STON2: variants seen among roughly 807,000 people sequenced by gnomAD.
STON2 encodes stonin-2.
STON2 carries 29 observed loss-of-function variants against 65.7 expected under a neutral mutation model. The ratio of observed to expected loss-of-function variants is 0.44; its 90% confidence interval spans 0.33 to 0.60. STON2 has a LOEUF of 0.60. Ranked by LOEUF, STON2 falls within the 20% of genes least tolerant of loss-of-function variation. The pLI is 0.03. For synonymous variants in STON2, 404 were observed against 414.2 expected (o/e 0.98, Z 0.30); for missense variants, 1,054 against 1,118.1 (o/e 0.94, Z 0.82).
At chr14:81,300,323 A>G (rs1317330114) in intron 5 of STON2, among the ~76,000 whole-genome samples, 2 of 152,114 alleles carry the variant, frequency 1.3e-5, no homozygotes, top group African/African-American at 4.8e-5. Context: ...AGAAAGCCAA[A>G]ACTATAAAGC....
chr14:81,339,646 G>C (rs1416291652), intron 4 of STON2, among the ~76,000 whole-genome samples: 1 of 152,188 alleles, frequency 6.6e-6, no homozygotes, highest in African/African-American at 2.4e-5. Flanking sequence ...TGTCATGTAT[G>C]AGCCAAAGAA....
chr14:81,278,407 A>T lies in STON2; in HGVS notation c.1075T>A (p.Ser359Thr), dbSNP rs1229351582. ...CTCCAAGGTGAAGCCTCAGTTACAG[A>T]AGGCGTGCGGTTTAAAGAGGAAATA... Reference protein sequence around the residue: ...LDISSLNRTPSVTEASPWRAT... With the variant: ...LDISSLNRTPTVTEASPWRAT... The change falls in exon 6 of 8, where the codon TCT becomes ACT. Residue 359 changes from serine (S) to threonine (T), a missense_variant. Coordinates refer to ENST00000614646, the MANE Select transcript of STON2 (RefSeq NM_001394390.1). 2.5e-6 allele frequency: 4 copies of T among 1,614,206 alleles called. No homozygotes were observed. Among genetic ancestry groups the T allele is most frequent in the Non-Finnish European group, 3.4e-6 (4 of 1,180,036 alleles).
At chr14:81,297,549 C>T (rs557265034) in intron 5 of STON2, among the ~76,000 whole-genome samples, 1 of 152,258 alleles carries the variant, frequency 6.6e-6, no homozygotes, top group Middle Eastern at 3.4e-3. Flanking sequence ...CTATGCCCCA[C>T]AATATGGTTG....
At chr14:81,388,230 G>A (rs1227599309) in intron 3 of STON2, among the ~76,000 whole-genome samples, 1 of 152,020 alleles carries the variant, frequency 6.6e-6, no homozygotes, top group East Asian at 2.0e-4. Context: ...TTACAGGCGT[G>A]AGCCACCGCA....
chr14:81,417,039 T>A (rs1246783735), intron 2 of STON2, among the ~76,000 whole-genome samples: 2 of 152,114 alleles, frequency 1.3e-5, no homozygotes, highest in African/African-American at 4.8e-5. Context: ...GAAAAACTAT[T>A]TCCCCCTTCC....
At chr14:81,370,447 G>A (rs1050018564) in intron 4 of STON2, among the ~76,000 whole-genome samples, 1 of 152,174 alleles carries the variant, frequency 6.6e-6, no homozygotes, top group South Asian at 2.1e-4. Context: ...TTTAATAAAG[G>A]AGGCATAGTG....
chr14:81,370,265 C>G (rs1898923715), intron 4 of STON2, among the ~76,000 whole-genome samples: 1 of 152,182 alleles, frequency 6.6e-6, no homozygotes, highest in Non-Finnish European at 1.5e-5. Context: ...TCATCACTTT[C>G]AGAAGAAACC....
chr14:81,349,243 C>T (rs8011477), intron 4 of STON2, among the ~76,000 whole-genome samples: 44,837 of 151,890 alleles, frequency 0.3, 7,020 homozygotes, highest in South Asian at 0.42. Context: ...ACAAATGGGA[C>T]TATGTCAAAC....
chr14:81,316,411 G>A (rs2140229159), intron 5 of STON2, among the ~76,000 whole-genome samples: 1 of 152,280 alleles, frequency 6.6e-6, no homozygotes, highest in Non-Finnish European at 1.5e-5. Flanking sequence ...ACACCTTCCT[G>A]CTAGATTTCC....
chr14:81,371,874 C>A (rs765801397), intron 3 of STON2, among the ~76,000 whole-genome samples: 2 of 151,794 alleles, frequency 1.3e-5, no homozygotes, highest in Non-Finnish European at 2.9e-5. Flanking sequence ...TTTAGTGGCA[C>A]AAAAAAACTC....
intron 2 of STON2, among the ~76,000 whole-genome samples, chr14:81,406,168 T>G (rs927169359): frequency 6.6e-6 from 1 of 152,200 alleles, no homozygotes; most frequent in Non-Finnish European, 1.5e-5. Context: ...GGGGCTCGGA[T>G]TGGATTCCTT....
intron 2 of STON2, among the ~76,000 whole-genome samples, chr14:81,420,981 T>C (rs941088943): frequency 6.6e-6 from 1 of 152,054 alleles, no homozygotes; most frequent in African/African-American, 2.4e-5. Context: ...CAGGGTGGGA[T>C]CTGGACATGA....
chr14:81,362,018 G>C (rs963539844), intron 4 of STON2, among the ~76,000 whole-genome samples: 2 of 152,086 alleles, frequency 1.3e-5, no homozygotes, highest in African/African-American at 4.8e-5. Context: ...GTGGAGAAAA[G>C]GGAACCCTTG....
intron 3 of STON2, among the ~76,000 whole-genome samples, chr14:81,384,490 CCTACCAAAGTGGTGGGA>C (rs1318895966): frequency 1.4e-5 from 2 of 143,146 alleles, no homozygotes; most frequent in African/African-American, 4.9e-5. Context: ...CCCGCCTCAG[CCTACCAAAGTGGTGGGA>C]TTACAGGCGT....
Position 81,266,321 on chromosome 14 carries a change from C to T in STON2, c.*2093G>A, listed in dbSNP as rs1894356868. Among the ~76,000 whole-genome samples the T allele has an allele frequency of 6.6e-6, 1 of 152,178 alleles. No individual in the cohort carries two copies. The highest frequency in any genetic ancestry group is 2.1e-4 in the South Asian group (1 of 4,834). ...CAATTCTTCCTTATATTGAAGCAAA[C>T]ATTTGTCACCTGTAAAGTTCCTCTT... On this transcript the variant is annotated 3_prime_UTR_variant, in exon 8 of 8. Transcript: ENST00000614646.
Position 81,276,894 on chromosome 14 carries a change from C to A in STON2, c.2581+7G>T. The A allele has an allele frequency of 6.2e-7, 1 of 1,604,634 alleles. No individual in the cohort carries two copies. The highest frequency in any genetic ancestry group is 1.7e-5 in the Admixed American group (1 of 59,584). On this transcript the variant is annotated splice_region_variant and intron_variant, in intron 6 of 7. Coordinates refer to ENST00000614646, the MANE Select transcript of STON2 (RefSeq NM_001394390.1). ...TTTGTTTTCACAGAAGAGGAACCACCACCCACCTGAGTTTTTGTCCGGCAG... is the reference window on the plus strand; with the variant it reads ...TTTGTTTTCACAGAAGAGGAACCACAACCCACCTGAGTTTTTGTCCGGCAG...
chr14:81,365,048 T>C (rs542098927), intron 4 of STON2, among the ~76,000 whole-genome samples: 1 of 152,142 alleles, frequency 6.6e-6, no homozygotes, highest in Non-Finnish European at 1.5e-5. Context: ...GGCTATACAG[T>C]GGATCAAGGC....
intron 5 of STON2, among the ~76,000 whole-genome samples, chr14:81,319,427 T>C (rs1896744144): frequency 6.6e-6 from 1 of 152,172 alleles, no homozygotes; most frequent in African/African-American, 2.4e-5. Context: ...GCAGATACAA[T>C]GGTAAACAAT....
intron 2 of STON2, among the ~76,000 whole-genome samples, chr14:81,396,657 T>C (rs956775964): frequency 6.6e-6 from 1 of 152,236 alleles, no homozygotes; most frequent in Admixed American, 6.5e-5. Context: ...TGCAAACCCA[T>C]GTGCACTAAT....
Sources: allele counts gnomAD v4.1 joint callset (sites outside exome capture counted in the v4.1 genomes callset), GRCh38; gene constraint gnomAD v4.1.1; transcripts MANE v1.5; gene names NCBI Gene and HGNC (gene_info 2026-07-23, HGNC 2026-07-21).